The following BPNT2 variants were observed in gnomAD, a reference collection of about 807,000 sequenced individuals.
The protein encoded by BPNT2 is 3'(2'), 5'-bisphosphate nucleotidase 2, also known as Golgi-resident adenosine 3',5'-bisphosphate 3'-phosphatase.
Under a neutral mutation model 29.3 loss-of-function variants are expected in BPNT2, and 11 were observed. The ratio of observed to expected loss-of-function variants is 0.38; its 90% CI spans 0.24 to 0.62. The LOEUF is 0.62. BPNT2 is among the 20% of genes least tolerant of loss of function. The pLI is 0.62. For synonymous variants in BPNT2, 195 were observed against 187.7 expected (o/e 1.04, Z -0.32); for missense variants, 459 against 473.4 (o/e 0.97, Z 0.28).
intron 3 of BPNT2, among the ~76,000 whole-genome samples, chr8:56,973,971 G>A (rs781765807): frequency 2.6e-5 from 4 of 151,738 alleles, no homozygotes; most frequent in South Asian, 2.1e-4. Flanking sequence ...TCCTCCACCC[G>A]AGACAACAAA....
At chr8:56,973,584 G>A (rs968551932) in intron 3 of BPNT2, among the ~76,000 whole-genome samples, 2 of 152,108 alleles carry the variant, frequency 1.3e-5, no homozygotes, top group African/African-American at 4.8e-5. Flanking sequence ...GGGCGTAGAG[G>A]GTTTCAAGAT....
rs1164398817 is a variant in BPNT2 at position 56,962,009 on chromosome 8, G to C, written c.*1784C>G. The C allele has an allele frequency of 1.3e-5, 2 of 152,080 alleles. No homozygotes were observed. Among genetic ancestry groups the C allele is most frequent in the African/African-American group, 4.8e-5 (2 of 41,416 alleles). 9.4% of individuals were successfully genotyped at this position (152,080 alleles called of 1,614,324 possible). On this transcript the variant is annotated 3_prime_UTR_variant, in exon 5 of 5. Transcript: ENST00000262644. Reference sequence around the variant, plus strand: ...CTTATACCACAGGACTCTGGCAACAGCATATACCTTTGCCATCTCTCCTGA... The same window carrying C: ...CTTATACCACAGGACTCTGGCAACACCATATACCTTTGCCATCTCTCCTGA...
chr8:56,987,583 G>C (rs894239004), intron 1 of BPNT2, among the ~76,000 whole-genome samples: 1 of 152,026 alleles, frequency 6.6e-6, no homozygotes, highest in South Asian at 2.1e-4. Context: ...TGCTTTCCTG[G>C]GTTTCCAGCT....
rs186106902 is a variant in BPNT2 at position 56,991,326 on chromosome 8, G to T, written c.387+1873C>A. 5.3e-3 allele frequency among the ~76,000 whole-genome samples: 802 copies of T among 151,834 alleles called. 7 individuals carry two copies. The highest frequency in any genetic ancestry group is 0.018 in the African/African-American group (753 of 41,520). ...AGAAGTTGTTTTATATTAAGCCAGA[G>T]ACTTCAACATCTGCAATTCCAAAAG... is the stretch of plus-strand genomic sequence containing the variant. On this transcript the variant is annotated intron_variant, in intron 1 of 4. Transcript: ENST00000262644.
intron 1 of BPNT2, among the ~76,000 whole-genome samples, chr8:56,981,673 A>T (rs1216251328): frequency 6.6e-6 from 1 of 152,246 alleles, no homozygotes; most frequent in Non-Finnish European, 1.5e-5. Flanking sequence ...GTTCTTTAAG[A>T]ATTAAGTTAA....
Position 56,980,339 on chromosome 8 carries a change from C to CAAAATG in BPNT2, c.388-148_388-143dup, listed in dbSNP as rs1407069408. 1.0e-5 allele frequency: 7 copies of CAAAATG among 674,122 alleles called. No homozygotes were observed. The East Asian group carries it at 1.1e-4, about 11-fold the overall frequency. The allele number at this position is 674,122 out of a possible 1,614,324, so 41.8% of individuals were successfully genotyped here. ...TTATTTCTTTTGATGCTCCATATTG[C>CAAAATG]AAAATGAAAATGAAAATGAAAAAAA... On this transcript the variant is annotated intron_variant, in intron 1 of 4. Coordinates refer to ENST00000262644, the MANE Select transcript of BPNT2 (RefSeq NM_017813.5).
intron 3 of BPNT2, among the ~76,000 whole-genome samples, chr8:56,971,570 G>T (rs1408083010): frequency 6.6e-6 from 1 of 152,044 alleles, no homozygotes; most frequent in Non-Finnish European, 1.5e-5. Flanking sequence ...TGTTATGAAT[G>T]CATAAAATAT....
rs1015815839 is a variant in BPNT2, at chr8:56,962,328, C to A, written c.*1465G>T. 1 of 152,160 alleles carries A rather than the reference C, an allele frequency of 6.6e-6. No homozygotes were observed. Among genetic ancestry groups the A allele is most frequent in the African/African-American group, 2.4e-5 (1 of 41,436 alleles). The allele number at this position is 152,160 out of a possible 1,614,324, so 9.4% of individuals were successfully genotyped here. ...GTATGCACATTCCACCAGGCTAGAA[C>A]GTACATTCTTTGGTCAATTTTACTT... On this transcript the variant is annotated 3_prime_UTR_variant, in exon 5 of 5. Transcript: ENST00000262644.
At chr8:56,990,392 T>C (rs1017038971) in intron 1 of BPNT2, among the ~76,000 whole-genome samples, 12 of 152,188 alleles carry the variant, frequency 7.9e-5, no homozygotes, top group Non-Finnish European at 8.8e-5. Context: ...AAAGAGACAG[T>C]GCCATACAAA....
chr8:56,970,893 A>C (rs927944571), intron 3 of BPNT2, among the ~76,000 whole-genome samples: 8 of 152,180 alleles, frequency 5.3e-5, no homozygotes, highest in African/African-American at 1.9e-4. Flanking sequence ...AAAAGTAAAA[A>C]AAAATGAAGA....
intron 1 of BPNT2, among the ~76,000 whole-genome samples, chr8:56,989,745 T>G (rs1806382258): frequency 6.6e-6 from 1 of 152,182 alleles, no homozygotes; most frequent in South Asian, 2.1e-4. Context: ...AGTATTCTAC[T>G]AGTAAACCAT....
intron 3 of BPNT2, 134 bp from the exon 4 acceptor site, chr8:56,966,486 A>T: frequency 7.7e-6 from 6 of 775,290 alleles, no homozygotes; most frequent in Non-Finnish European, 1.1e-5. Context: ...TTTTCCCCCA[A>T]AACAGAAAGC....
intron 1 of BPNT2, among the ~76,000 whole-genome samples, chr8:56,986,049 G>C (rs1275428568): frequency 1.3e-5 from 2 of 152,196 alleles, no homozygotes; most frequent in African/African-American, 2.4e-5. Flanking sequence ...CTGCTTTGGA[G>C]AGTGTCAGGC....
At chr8:56,982,937 TA>T (rs1489607077) in intron 1 of BPNT2, among the ~76,000 whole-genome samples, 4 of 152,218 alleles carry the variant, frequency 2.6e-5, no homozygotes, top group African/African-American at 9.6e-5. Flanking sequence ...TTGATCATGC[TA>T]AATCATGGAT....
At chr8:56,992,747 A>AG (rs1806439049) in intron 1 of BPNT2, among the ~76,000 whole-genome samples, 1 of 137,784 alleles carries the variant, frequency 7.3e-6, no homozygotes, top group African/African-American at 2.7e-5. Context: ...CCGCACACTA[A>AG]CAGCTCTGCA....
intron 1 of BPNT2, among the ~76,000 whole-genome samples, chr8:56,981,677 A>G (rs1032336534): frequency 4.1e-4 from 62 of 152,244 alleles, no homozygotes; most frequent in African/African-American, 1.4e-3. Flanking sequence ...TTTAAGAATT[A>G]AGTTAATAAC....
Position 56,963,770 on chromosome 8 carries a change from C to G in BPNT2, c.*23G>C, listed in dbSNP as rs1433568666. On this transcript the variant is annotated 3_prime_UTR_variant, in exon 5 of 5. Coordinates refer to ENST00000262644, the MANE Select transcript of BPNT2 (RefSeq NM_017813.5). ...GGCTAACCATTTCAGCTGTGAAGAACTGTACCCTGTAATCAGTTATGCTCA... is the reference window on the plus strand; with the variant it reads ...GGCTAACCATTTCAGCTGTGAAGAAGTGTACCCTGTAATCAGTTATGCTCA... 4 of 1,613,766 alleles carry G rather than the reference C, an allele frequency of 2.5e-6. No individual in the cohort carries two copies. Among genetic ancestry groups the G allele is most frequent in the Non-Finnish European group, 3.4e-6 (4 of 1,179,712 alleles).
Position 56,980,047 on chromosome 8 carries a change from G to C in BPNT2, c.538C>G (p.Gln180Glu). The change falls in exon 2 of 5, where the codon CAG becomes GAG. Residue 180 changes from glutamine (Q) to glutamate (E), a missense_variant. Physicochemically the swap from Gln to Glu is conservative, Grantham distance 29. Transcript: ENST00000262644. ...GTTTAAAAATTACCTGTATATTCCTGTGTAGCATCAAGTGGGTCAATCCAG... is the reference window on the plus strand; with the variant it reads ...GTTTAAAAATTACCTGTATATTCCTCTGTAGCATCAAGTGGGTCAATCCAG... ...TVWIDPLDAT[Q>E]EYTEDLRKYV... 6.2e-7 allele frequency: 1 copy of C among 1,613,738 alleles called. No homozygotes were observed. Among genetic ancestry groups the C allele is most frequent in the Non-Finnish European group, 8.5e-7 (1 of 1,179,824 alleles).
rs886618904 is a variant in BPNT2, at chr8:56,959,980, G to A, written c.*3813C>T. On this transcript the variant is annotated 3_prime_UTR_variant, in exon 5 of 5. Transcript: ENST00000262644. ...TATTTTATACAACAGTTACAAGACA[G>A]ACCTTTTGTAGGCATATAAATACAT... 1 of 152,214 alleles carries A rather than the reference G, an allele frequency of 6.6e-6. No homozygotes were observed. The highest frequency in any genetic ancestry group is 1.5e-5 in the Non-Finnish European group (1 of 67,998). 9.4% of individuals were successfully genotyped at this position (152,214 alleles called of 1,614,324 possible).
Sources: gnomAD v4.1 joint callset for allele counts (sites outside exome capture counted in the v4.1 genomes callset) on GRCh38, gnomAD v4.1.1 for gene constraint, MANE v1.5 for transcripts, NCBI Gene and HGNC (gene_info 2026-07-23, HGNC 2026-07-21) for gene names.